The following LHFPL3 variants were observed in gnomAD, a reference collection of about 807,000 sequenced individuals.
LHFPL3 encodes LHFPL tetraspan subfamily member 3 protein.
A neutral mutation model predicts 19.3 loss-of-function variants in LHFPL3; 5 were observed. The ratio of observed to expected loss-of-function variants is 0.26; its 90% CI spans 0.14 to 0.54. The LOEUF is 0.54. Among genes scored for constraint, LHFPL3 ranks in the 20% least tolerant of loss-of-function variants. The probability of loss-of-function intolerance (pLI) is 0.94; values close to 1 mark genes in which losing one functional copy is unlikely to be tolerated. For synonymous variants in LHFPL3, 133 were observed against 126.2 expected (o/e 1.05, Z -0.36); for missense variants, 249 against 307.4 (o/e 0.81, Z 1.42).
At chr7:104,903,007 G>A (rs963432337) in intron 2 of LHFPL3, among the ~76,000 whole-genome samples, 5 of 152,148 alleles carry the variant, frequency 3.3e-5, no homozygotes, top group African/African-American at 1.2e-4. Context: ...TAAGAGAGCT[G>A]AGGATCTTCC....
At chr7:104,826,897 AC>A (rs1790831057) in intron 2 of LHFPL3, 1 of 151,962 alleles carries the variant, frequency 6.6e-6, no homozygotes. Context: ...ATTTTTTAAA[AC>A]ATGTTAAACT....
chr7:104,462,858 C>G (rs1019232933), intron 1 of LHFPL3, among the ~76,000 whole-genome samples: 3 of 152,052 alleles, frequency 2.0e-5, no homozygotes, highest in Non-Finnish European at 4.4e-5. Context: ...GGCTGTGACT[C>G]CATGTGGTCC....
rs144478187 is a variant in LHFPL3, at chr7:104,425,032, G to C, written c.445+95808G>C. 2.2e-3 allele frequency among the ~76,000 whole-genome samples: 311 copies of C among 141,238 alleles called. 3 individuals are homozygous for C. Among genetic ancestry groups the C allele is most frequent in the African/African-American group, 8.3e-3 (301 of 36,196 alleles). The allele number at this position is 141,238 out of a possible 152,430, so 92.7% of individuals were successfully genotyped here. A position where few individuals can be genotyped will look rare whatever the true frequency, so the allele number is the denominator to read the frequency against. Reference sequence around the variant, plus strand: ...AAGTATCTGACTCAAAATGTCAGTTGTGTTGAGGGTGAGAAATAGTGATCA... The same window carrying C: ...AAGTATCTGACTCAAAATGTCAGTTCTGTTGAGGGTGAGAAATAGTGATCA... On this transcript the variant is annotated intron_variant, in intron 1 of 2. Transcript: ENST00000424859.
In LHFPL3 at chr7:104,493,820, T is replaced by A. The variant is rs879177817; in HGVS notation, c.445+164596T>A. On this transcript the variant is annotated intron_variant, in intron 1 of 2. Transcript: ENST00000424859. ...CTAATCTCCTCTCCTGGTCTCTTAC[T>A]TCTCTGTACCATGCTACACACCTCT... Among the ~76,000 whole-genome samples the A allele has an allele frequency of 3.3e-5, 5 of 152,278 alleles. No homozygotes were observed. The East Asian group carries it at 5.8e-4, about 18-fold the overall frequency.
chr7:104,836,953 G>T (rs547967520), intron 2 of LHFPL3, among the ~76,000 whole-genome samples: 1 of 152,122 alleles, frequency 6.6e-6, no homozygotes, highest in Admixed American at 6.6e-5. Context: ...ATAATCCCAC[G>T]GCCAGATAAT....
At chr7:104,724,958 C>T (rs1793563899) in intron 1 of LHFPL3, among the ~76,000 whole-genome samples, 1 of 152,190 alleles carries the variant, frequency 6.6e-6, no homozygotes, top group Non-Finnish European at 1.5e-5. Context: ...AACCAGTCAA[C>T]TCTCTTGCAT....
chr7:104,773,166 G>A (rs1045408845), intron 2 of LHFPL3, among the ~76,000 whole-genome samples: 1 of 152,210 alleles, frequency 6.6e-6, no homozygotes, highest in Non-Finnish European at 1.5e-5. Context: ...CCCCTGGTGG[G>A]GGTCTTCTTA....
intron 1 of LHFPL3, among the ~76,000 whole-genome samples, chr7:104,716,854 C>T (rs1793397600): frequency 6.6e-6 from 1 of 152,048 alleles, no homozygotes; most frequent in East Asian, 1.9e-4. Context: ...CCATGAAGGA[C>T]CCTGAATAGC....
intron 1 of LHFPL3, among the ~76,000 whole-genome samples, chr7:104,468,169 G>A (rs6977322): frequency 5.9e-5 from 9 of 152,062 alleles, no homozygotes; most frequent in Admixed American, 5.9e-4. Context: ...TGCTAGTATC[G>A]TATCCTCCTC....
intron 2 of LHFPL3, among the ~76,000 whole-genome samples, chr7:104,793,903 C>A (rs2465062): frequency 0.97 from 148,132 of 152,274 alleles, 72,166 homozygotes; most frequent in East Asian, 1. Context: ...ATTAATATAA[C>A]GTTTAAACAC....
At chr7:104,591,716 A>C (rs912871046) in intron 1 of LHFPL3, among the ~76,000 whole-genome samples, 1 of 152,150 alleles carries the variant, frequency 6.6e-6, no homozygotes, top group African/African-American at 2.4e-5. Context: ...GTGTTTTCCA[A>C]GTTGGTTCCA....
intron 1 of LHFPL3, among the ~76,000 whole-genome samples, chr7:104,414,465 C>T (rs1791585979): frequency 6.6e-6 from 1 of 152,052 alleles, no homozygotes; most frequent in Non-Finnish European, 1.5e-5. Context: ...GTGATTGCGC[C>T]CAGATCTGAG....
At position 104,543,469 on chromosome 7, in the gene LHFPL3, A is replaced by G. The variant is rs185450510; in HGVS notation, c.446-193206A>G. On this transcript the variant is annotated intron_variant, in intron 1 of 2. Transcript: ENST00000424859. The stretch of plus-strand genomic sequence containing the variant: ...GCTATAAAGACACATGCACACGTAT[A>G]TTTACTGCGACACTATTCAGAATAG... Among the ~76,000 whole-genome samples, 523 of 152,016 alleles carry G rather than the reference A, an allele frequency of 3.4e-3. 4 individuals are homozygous for G. Among genetic ancestry groups the G allele is most frequent in the African/African-American group, 0.012 (502 of 41,442 alleles).
At chr7:104,478,258 T>A (rs1007935242) in intron 1 of LHFPL3, among the ~76,000 whole-genome samples, 8 of 152,174 alleles carry the variant, frequency 5.3e-5, no homozygotes, top group Admixed American at 1.3e-4. Flanking sequence ...GAGAAATTAT[T>A]TCAACTTCTA....
intron 1 of LHFPL3, among the ~76,000 whole-genome samples, chr7:104,693,255 G>C (rs916338108): frequency 1.3e-5 from 2 of 152,192 alleles, no homozygotes; most frequent in African/African-American, 4.8e-5. Flanking sequence ...AGGCAGAAGG[G>C]ACTTGCCTGG....
rs1270770589 is a variant in LHFPL3, at chr7:104,557,766, G to A, written c.446-178909G>A. The stretch of plus-strand genomic sequence containing the variant: ...ATATGTATACATGTGCCATGCTGGT[G>A]CGCTGCACCCACTAACTCATCATCT... On this transcript the variant is annotated intron_variant, in intron 1 of 2. Transcript: ENST00000424859. 4.5e-4 allele frequency among the ~76,000 whole-genome samples: 68 copies of A among 150,846 alleles called. No homozygotes were observed. In the South Asian group the frequency reaches 0.014, roughly 31 times the overall value.
chr7:104,360,523 C>T (rs1446461743), intron 1 of LHFPL3, among the ~76,000 whole-genome samples: 1 of 152,066 alleles, frequency 6.6e-6, no homozygotes, highest in African/African-American at 2.4e-5. Context: ...GCAAACTGGA[C>T]TTGAAGAGGA....
At chr7:104,729,527 C>T (rs55808586) in intron 1 of LHFPL3, among the ~76,000 whole-genome samples, 33,602 of 151,890 alleles carry the variant, frequency 0.22, 3,968 homozygotes, top group South Asian at 0.43. Flanking sequence ...ATCCTTCTTC[C>T]GCAGTCCCTC....
At chr7:104,796,377 G>A (rs1790127112) in intron 2 of LHFPL3, 1 of 152,242 alleles carries the variant, frequency 6.6e-6, no homozygotes, top group Non-Finnish European at 1.5e-5. Flanking sequence ...TTAGTGTGGA[G>A]GTGGCCAATC....
Sources: allele counts gnomAD v4.1 joint callset (sites outside exome capture counted in the v4.1 genomes callset), GRCh38; gene constraint gnomAD v4.1.1; transcripts MANE v1.5; gene names NCBI Gene and HGNC (gene_info 2026-07-23, HGNC 2026-07-21).